The following POLA1 variants were observed in gnomAD, a reference collection of about 807,000 sequenced individuals.
The protein encoded by POLA1 is DNA polymerase alpha 1, catalytic subunit.
In POLA1, 15 loss-of-function variants were observed where a neutral mutation model predicts 124.0. The observed-to-expected ratio is 0.12, with a 90% CI of 0.08 to 0.19. POLA1 has a LOEUF of 0.19. Ranked by LOEUF, POLA1 falls within the 10% of genes least tolerant of loss-of-function variation. The pLI, the probability that POLA1 is intolerant of heterozygous loss-of-function variation, is 1.00. For missense variants in POLA1, 886 were observed against 1,103.4 expected, an observed-to-expected ratio of 0.80 and a Z score of 2.79; for synonymous variants, 408 against 389.4, an observed-to-expected ratio of 1.05 and a Z score of -0.56.
At chrX:24,859,230 A>G (rs1050929716) in intron 34 of POLA1, among the ~76,000 whole-genome samples, 1 of 111,791 alleles carries the variant, frequency 8.9e-6, no homozygotes, top group Non-Finnish European at 1.9e-5. Context: ...GTCATCTTCC[A>G]GGTTAAAAAC....
At chrX:24,981,597 G>T (rs961495043) in intron 36 of POLA1, among the ~76,000 whole-genome samples, 6 of 112,313 alleles carry the variant, frequency 5.3e-5, no homozygotes, top group Non-Finnish European at 1.1e-4. Flanking sequence ...ATTTTCATTT[G>T]TAAAGCCTTT....
chrX:24,859,419 C>G, intron 34 of POLA1, among the ~76,000 whole-genome samples: 1 of 111,628 alleles, frequency 9.0e-6, no homozygotes, highest in African/African-American at 3.3e-5. Context: ...TCCACACTTT[C>G]ACTCCTGCCA....
At chrX:24,986,496 C>A (rs908040016) in intron 36 of POLA1, among the ~76,000 whole-genome samples, 29 of 108,688 alleles carry the variant, frequency 2.7e-4, no homozygotes, top group Middle Eastern at 4.8e-3. Context: ...AGTCAGGTGA[C>A]CGGTAGCTCA....
chrX:24,731,197 A>G (rs1412963939), intron 15 of POLA1, among the ~76,000 whole-genome samples: 2 of 112,000 alleles, frequency 1.8e-5, no homozygotes, highest in African/African-American at 6.5e-5. Flanking sequence ...ATTTATAGAC[A>G]GTATGGAGAC....
intron 36 of POLA1, among the ~76,000 whole-genome samples, chrX:24,980,006 G>C (rs957770492): frequency 4.5e-5 from 5 of 111,888 alleles, no homozygotes; most frequent in African/African-American, 1.6e-4. Flanking sequence ...TGTGGACCAT[G>C]TATTTTTTCC....
At chrX:24,711,495 G>A (rs770437311) in intron 4 of POLA1, among the ~76,000 whole-genome samples, 5 of 112,266 alleles carry the variant, frequency 4.5e-5, no homozygotes, top group Non-Finnish European at 9.4e-5. Context: ...ATTATTTTGA[G>A]TAATTTGCTA....
At chrX:24,890,917 A>C (rs934298722) in intron 35 of POLA1, among the ~76,000 whole-genome samples, 15 of 112,337 alleles carry the variant, frequency 1.3e-4, no homozygotes, top group African/African-American at 4.2e-4. Context: ...CTTTAGGGGA[A>C]TCACCTTGCT....
intron 36 of POLA1, 70 bp downstream of exon 36, chrX:24,930,619 G>A: frequency 1.5e-6 from 1 of 669,071 alleles, no homozygotes; most frequent in South Asian, 2.4e-5. Context: ...CAGACCTACT[G>A]TGTCAGGCTG....
At chrX:24,743,935 C>T (rs986448973) in intron 23 of POLA1, among the ~76,000 whole-genome samples, 3 of 106,462 alleles carry the variant, frequency 2.8e-5, no homozygotes, top group Non-Finnish European at 3.9e-5. Context: ...CTCTGTTGCC[C>T]GGGCTGGAGT....
chrX:24,734,693 T>C (rs1333726800), intron 17 of POLA1, among the ~76,000 whole-genome samples: 1 of 111,549 alleles, frequency 9.0e-6, no homozygotes, highest in East Asian at 2.8e-4. Flanking sequence ...ATTGGCTCAC[T>C]GCAGCCTCCA....
At position 24,857,361 on chromosome X, in the gene POLA1, A is replaced by ACTAT. The variant is rs745683301; in HGVS notation, c.4047+13684_4047+13685insCTAT. ...AAGTCTTGTATAGTGCAATTCTTCC[A>ACTAT]TTTTATTTTTTTCAAAAATGTCTTA... On this transcript the variant is annotated intron_variant, in intron 34 of 36. Coordinates refer to ENST00000379068, the MANE Select transcript of POLA1 (RefSeq NM_001330360.2). Among the ~76,000 whole-genome samples the ACTAT allele has an allele frequency of 2.3e-4, 25 of 110,984 alleles. No homozygotes were observed. The South Asian group carries it at 5.7e-3, about 25-fold the overall frequency.
At chrX:24,762,893 A>G (rs1932822556) in intron 26 of POLA1, among the ~76,000 whole-genome samples, 1 of 109,544 alleles carries the variant, frequency 9.1e-6, no homozygotes, top group Admixed American at 9.7e-5. Context: ...GTGCGCCACC[A>G]CTCTTGGCTA....
chrX:24,931,361 A>G (rs910778089), intron 36 of POLA1, among the ~76,000 whole-genome samples: 4 of 111,919 alleles, frequency 3.6e-5, no homozygotes, highest in African/African-American at 1.3e-4. Flanking sequence ...AACCGCAATG[A>G]CATTAAAAAC....
intron 26 of POLA1, among the ~76,000 whole-genome samples, chrX:24,759,162 G>T (rs1320750222): frequency 8.9e-6 from 1 of 111,787 alleles, no homozygotes; most frequent in Non-Finnish European, 1.9e-5. Flanking sequence ...TAAAATTCCA[G>T]GGCTTCTTTC....
intron 36 of POLA1, among the ~76,000 whole-genome samples, chrX:24,934,669 C>A (rs768691204): frequency 8.9e-6 from 1 of 112,088 alleles, no homozygotes; most frequent in South Asian, 3.7e-4. Context: ...ACTATATTTC[C>A]TCACATTTCT....
chrX:24,909,818 A>G (rs1183042632), intron 35 of POLA1, among the ~76,000 whole-genome samples: 1 of 109,799 alleles, frequency 9.1e-6, no homozygotes, highest in Admixed American at 9.7e-5. Flanking sequence ...TCTATAAATT[A>G]CCTTGGGCAG....
chrX:24,700,084 C>T (rs926234478), intron 2 of POLA1, among the ~76,000 whole-genome samples: 11 of 105,085 alleles, frequency 1.0e-4, no homozygotes, highest in Non-Finnish European at 2.1e-4. Flanking sequence ...GAGTGGCCAC[C>T]ATCTGCATAA....
chrX:24,849,878 C>T (rs1474945515), intron 34 of POLA1, among the ~76,000 whole-genome samples: 2 of 111,374 alleles, frequency 1.8e-5, no homozygotes, highest in Non-Finnish European at 3.8e-5. Flanking sequence ...GATTCGCCTG[C>T]CTCGGCCTCC....
intron 36 of POLA1, 32 bp from the exon 37 acceptor site, chrX:24,995,773 G>T (rs1418808871): frequency 8.5e-7 from 1 of 1,170,820 alleles, no homozygotes; most frequent in African/African-American, 1.8e-5. Flanking sequence ...GAAACTACCT[G>T]AGACTTCTAA....
Sources: gnomAD v4.1 joint callset for allele counts (sites outside exome capture counted in the v4.1 genomes callset) on GRCh38, gnomAD v4.1.1 for gene constraint, MANE v1.5 for transcripts, NCBI Gene and HGNC (gene_info 2026-07-23, HGNC 2026-07-21) for gene names.